WFDC1: variants seen among roughly 807,000 people sequenced by gnomAD.
The protein encoded by WFDC1 is WAP four-disulfide core domain 1.
In WFDC1, 39 loss-of-function variants were observed where a neutral mutation model predicts 32.9. The observed-to-expected ratio is 1.19, with a 90% CI of 0.92 to 1.55. WFDC1 has a LOEUF of 1.55. Ranked by LOEUF, WFDC1 falls within the 40% of genes most tolerant of loss-of-function variation. WFDC1 has a pLI of 0.00. For synonymous variants in WFDC1, 184 were observed against 137.4 expected, an observed-to-expected ratio of 1.34 and a Z score of -2.37; for missense variants, 386 against 309.5, an observed-to-expected ratio of 1.25 and a Z score of -1.85.
At chr16:84,299,424 T>A (rs758244644) in intron 1 of WFDC1, among the ~76,000 whole-genome samples, 11 of 149,406 alleles carry the variant, frequency 7.4e-5, no homozygotes, top group South Asian at 2.1e-4. Context: ...CAGAACCAAA[T>A]ATTTATGAGA....
intron 4 of WFDC1, among the ~76,000 whole-genome samples, chr16:84,320,308 C>G (rs57724653): frequency 0.016 from 2,372 of 152,278 alleles, 69 homozygotes; most frequent in African/African-American, 0.054. Flanking sequence ...TTAAGATATT[C>G]TCAGCTTGTA....
intron 3 of WFDC1, 24 bp from the exon 4 acceptor site, chr16:84,319,406 AC>A: frequency 1.9e-6 from 3 of 1,604,970 alleles, no homozygotes; most frequent in Non-Finnish European, 2.5e-6. Flanking sequence ...GGCCTTCTAG[AC>A]CCCAGCGTGT....
At chr16:84,308,283 C>T (rs769385637) in intron 1 of WFDC1, among the ~76,000 whole-genome samples, 12 of 152,116 alleles carry the variant, frequency 7.9e-5, no homozygotes, top group Non-Finnish European at 1.3e-4. Context: ...CAGGGGCACC[C>T]GGCCCGGACC....
At chr16:84,323,512 T>C (rs1246132181) in intron 4 of WFDC1, among the ~76,000 whole-genome samples, 1 of 152,212 alleles carries the variant, frequency 6.6e-6, no homozygotes, top group Admixed American at 6.5e-5. Flanking sequence ...TGACCACTTT[T>C]TACACACAAA....
At chr16:84,317,866 C>T (rs780853860) in intron 2 of WFDC1, 25 of 202,030 alleles carry the variant, frequency 1.2e-4, no homozygotes, top group South Asian at 4.8e-4. Context: ...GCAAAGCCAT[C>T]TAGGGACCCA....
chr16:84,311,249 C>CTTTT (rs58268746), intron 1 of WFDC1, among the ~76,000 whole-genome samples: 1 of 145,016 alleles, frequency 6.9e-6, no homozygotes, highest in Non-Finnish European at 1.5e-5. Flanking sequence ...AGTACTATAT[C>CTTTT]TTTTTTTTTT....
In WFDC1 at chr16:84,326,873, T is replaced by C. The variant is rs1387486361; in HGVS notation, c.605-9T>C. ...CATCTACCCCAACAGAGCTGTGTTCTTTTCACAGAAGGTGACTCAAAGAAT... is the reference window on the plus strand; with the variant it reads ...CATCTACCCCAACAGAGCTGTGTTCCTTTCACAGAAGGTGACTCAAAGAAT... On this transcript the variant is annotated splice_polypyrimidine_tract_variant and intron_variant, in intron 5 of 6. Transcript: ENST00000219454. 1 of 1,613,914 alleles carries C rather than the reference T, an allele frequency of 6.2e-7. No individual in the cohort carries two copies. The highest frequency in any genetic ancestry group is 8.5e-7 in the Non-Finnish European group (1 of 1,179,996).
At chr16:84,303,716 T>A (rs1003455005) in intron 1 of WFDC1, among the ~76,000 whole-genome samples, 2 of 152,200 alleles carry the variant, frequency 1.3e-5, no homozygotes, top group Admixed American at 1.3e-4. Flanking sequence ...AAAGGTACAA[T>A]TCAGTGGTGT....
At chr16:84,309,529 C>T (rs1054173066) in intron 1 of WFDC1, among the ~76,000 whole-genome samples, 1 of 152,090 alleles carries the variant, frequency 6.6e-6, no homozygotes, top group African/African-American at 2.4e-5. Context: ...TAGAATGTGC[C>T]TGGCAGAGGG....
chr16:84,299,233 G>A (rs559100020), intron 1 of WFDC1, among the ~76,000 whole-genome samples: 10 of 152,042 alleles, frequency 6.6e-5, no homozygotes, highest in South Asian at 2.1e-4. Context: ...GCATGGTGGC[G>A]CATGCCTGTA....
At chr16:84,323,873 C>A (rs1908440459) in intron 4 of WFDC1, among the ~76,000 whole-genome samples, 1 of 152,252 alleles carries the variant, frequency 6.6e-6, no homozygotes, top group African/African-American at 2.4e-5. Flanking sequence ...GTAATCCCAG[C>A]ACTTTGGCAG....
At chr16:84,299,991 C>G (rs1906840640) in intron 1 of WFDC1, among the ~76,000 whole-genome samples, 1 of 152,256 alleles carries the variant, frequency 6.6e-6, no homozygotes, top group African/African-American at 2.4e-5. Context: ...ACTTGCATTC[C>G]TCAGTTCCCC....
chr16:84,304,288 G>C (rs1597666038), intron 1 of WFDC1, among the ~76,000 whole-genome samples: 2 of 152,002 alleles, frequency 1.3e-5, no homozygotes, highest in East Asian at 3.9e-4. Flanking sequence ...GGATTGCAGT[G>C]GTGCCGTCTG....
At chr16:84,303,252 CCACG>C (rs758000975) in intron 1 of WFDC1, among the ~76,000 whole-genome samples, 2 of 152,198 alleles carry the variant, frequency 1.3e-5, no homozygotes, top group East Asian at 3.9e-4. Flanking sequence ...TCTTCCTCCA[CCACG>C]CAAACCAGTG....
intron 1 of WFDC1, among the ~76,000 whole-genome samples, chr16:84,305,004 A>G (rs1567652941): frequency 6.6e-6 from 1 of 152,192 alleles, no homozygotes; most frequent in Non-Finnish European, 1.5e-5. Flanking sequence ...ATGGAGTAGG[A>G]CAGACCCAGG....
intron 2 of WFDC1, chr16:84,316,386 T>C (rs1024101204): frequency 4.6e-5 from 7 of 152,070 alleles, no homozygotes; most frequent in African/African-American, 1.7e-4. Context: ...TAATTTTTAT[T>C]TTTGTCTTAC....
chr16:84,319,897 A>T (rs1908206320), intron 4 of WFDC1, among the ~76,000 whole-genome samples: 1 of 152,078 alleles, frequency 6.6e-6, no homozygotes, highest in Non-Finnish European at 1.5e-5. Flanking sequence ...GGGCTACTAC[A>T]TGCTGTTGTG....
At chr16:84,323,823 T>C (rs945746468) in intron 4 of WFDC1, among the ~76,000 whole-genome samples, 2 of 152,178 alleles carry the variant, frequency 1.3e-5, no homozygotes, top group Non-Finnish European at 2.9e-5. Flanking sequence ...AGTTCATCTG[T>C]TAAGACAATG....
At chr16:84,309,939 C>T (rs754676468) in intron 1 of WFDC1, among the ~76,000 whole-genome samples, 9 of 151,990 alleles carry the variant, frequency 5.9e-5, no homozygotes, top group Non-Finnish European at 7.4e-5. Context: ...ATTTAGGGCC[C>T]ACTGGAAAAT....
Sources: allele counts gnomAD v4.1 joint callset (sites outside exome capture counted in the v4.1 genomes callset), GRCh38; gene constraint gnomAD v4.1.1; transcripts MANE v1.5; gene names NCBI Gene and HGNC (gene_info 2026-07-23, HGNC 2026-07-21).